The following KCNB2 variants were observed in gnomAD, a reference collection of about 807,000 sequenced individuals.
KCNB2 encodes the protein potassium voltage-gated channel subfamily B member 2.
Under a neutral mutation model 61.5 loss-of-function variants are expected in KCNB2, and 15 were observed. The ratio of observed to expected loss-of-function variants is 0.24; its 90% CI spans 0.16 to 0.38. The LOEUF is 0.38. Ranked by LOEUF, KCNB2 falls within the 10% of genes least tolerant of loss-of-function variation. The pLI, the probability that KCNB2 is intolerant of heterozygous loss-of-function variation, is 1.00. For synonymous variants in KCNB2, 457 were observed against 446.0 expected (o/e 1.02, Z -0.31); for missense variants, 828 against 1,125.2 (o/e 0.74, Z 3.78).
intron 2 of KCNB2, among the ~76,000 whole-genome samples, chr8:72,617,597 C>CAA (rs10706658): frequency 0.017 from 2,300 of 136,086 alleles, 34 homozygotes; most frequent in Middle Eastern, 0.037. Context: ...CACAGAAGTG[C>CAA]AAAAAAAAAA....
In KCNB2 at chr8:72,903,265, A is replaced by G. The variant is rs531261985; in HGVS notation, c.580-32670A>G. On this transcript the variant is annotated intron_variant, in intron 2 of 2. Transcript: ENST00000523207. ...GATTAGCGAAGGGAAAGAGCCTGATACTGGGTGTGTTGAGGACCAGGTCTT... is the reference window on the plus strand; with the variant it reads ...GATTAGCGAAGGGAAAGAGCCTGATGCTGGGTGTGTTGAGGACCAGGTCTT... Among the ~76,000 whole-genome samples the G allele has an allele frequency of 9.9e-4, 151 of 152,132 alleles. 1 individual carries two copies. Among genetic ancestry groups the G allele is most frequent in the African/African-American group, 3.4e-3 (143 of 41,500 alleles).
chr8:72,577,696 C>A (rs571074836), intron 2 of KCNB2, among the ~76,000 whole-genome samples: 71 of 152,226 alleles, frequency 4.7e-4, no homozygotes, highest in Admixed American at 1.2e-3. Flanking sequence ...TGTTGGATGC[C>A]ACTTTAAATA....
At chr8:72,735,626 T>G (rs1312073636) in intron 2 of KCNB2, among the ~76,000 whole-genome samples, 3 of 152,216 alleles carry the variant, frequency 2.0e-5, no homozygotes. Context: ...GTATGTTCTC[T>G]CCAGGTATTA....
intron 2 of KCNB2, chr8:72,619,488 A>G (rs575090591): frequency 4.5e-6 from 1 of 222,442 alleles, no homozygotes; most frequent in Admixed American, 5.6e-5. Flanking sequence ...TACTATGGGT[A>G]TGAGATTTTG....
intron 2 of KCNB2, among the ~76,000 whole-genome samples, chr8:72,665,865 AC>A (rs1046313328): frequency 1.3e-5 from 2 of 152,214 alleles, no homozygotes; most frequent in Non-Finnish European, 2.9e-5. Flanking sequence ...ATCACTAACC[AC>A]AGTCAAATTT....
At chr8:72,861,561 C>T (rs1231772401) in intron 2 of KCNB2, among the ~76,000 whole-genome samples, 1 of 152,082 alleles carries the variant, frequency 6.6e-6, no homozygotes, top group Non-Finnish European at 1.5e-5. Flanking sequence ...CCAAGGCTTC[C>T]TTTGTGCAGC....
chr8:72,765,698 C>T (rs1411846272), intron 2 of KCNB2, among the ~76,000 whole-genome samples: 1 of 152,164 alleles, frequency 6.6e-6, no homozygotes, highest in East Asian at 1.9e-4. Context: ...TTATTTAAAA[C>T]ACATAGGTAA....
chr8:72,882,260 C>T (rs1405742121), intron 2 of KCNB2, among the ~76,000 whole-genome samples: 1 of 152,160 alleles, frequency 6.6e-6, no homozygotes, highest in African/African-American at 2.4e-5. Context: ...CACTCTGGCC[C>T]TTGGTTTCCC....
chr8:72,558,626 G>T (rs17829035), intron 1 of KCNB2, among the ~76,000 whole-genome samples: 21 of 151,950 alleles, frequency 1.4e-4, no homozygotes, highest in African/African-American at 4.6e-4. Flanking sequence ...AATTAAACCC[G>T]ATTATTTACT....
At chr8:72,637,669 C>G (rs900518807) in intron 2 of KCNB2, among the ~76,000 whole-genome samples, 3 of 152,138 alleles carry the variant, frequency 2.0e-5, no homozygotes, top group African/African-American at 7.2e-5. Context: ...TTGGCAGAAC[C>G]CTGCGAGTCC....
intron 1 of KCNB2, among the ~76,000 whole-genome samples, chr8:72,544,536 T>A (rs1806232699): frequency 6.6e-6 from 1 of 152,170 alleles, no homozygotes; most frequent in Admixed American, 6.5e-5. Flanking sequence ...GTCTAAGACT[T>A]GCTTTAAACA....
intron 2 of KCNB2, among the ~76,000 whole-genome samples, chr8:72,786,062 A>G (rs1808841259): frequency 6.6e-6 from 1 of 152,058 alleles, no homozygotes; most frequent in Admixed American, 6.6e-5. Flanking sequence ...ACGAAAAAAA[A>G]AAAAAGCAAA....
chr8:72,890,353 T>G (rs557108757), intron 2 of KCNB2, among the ~76,000 whole-genome samples: 3 of 152,360 alleles, frequency 2.0e-5, no homozygotes, highest in African/African-American at 7.2e-5. Flanking sequence ...GATTGAACTC[T>G]GCTGCTTTGC....
At chr8:72,934,394 CA>C (rs11392513) in intron 2 of KCNB2, among the ~76,000 whole-genome samples, 2,392 of 83,722 alleles carry the variant, frequency 0.029, 16 homozygotes, top group African/African-American at 0.044. Context: ...TCACCCCCCG[CA>C]AAAAAAAAAA....
Position 72,936,846 on chromosome 8 carries a change from G to A in KCNB2, c.1491G>A (p.Lys497=), listed in dbSNP as rs1585988019. ...LSPSRWKWAR[K]ALSETSSNKS... ...CAAGCCGGTGGAAGTGGGCCAGGAA[G>A]GCTCTGTCGGAAACAAGCTCCAACA... Residue 497 remains lysine (K), a synonymous_variant, in exon 3 of 3, where the codon AAG becomes AAA. Transcript: ENST00000523207. The surrounding 1 kb of genome is among the most constrained non-coding windows in gnomAD (Gnocchi z 5.6). 3 of 1,614,094 alleles carry A rather than the reference G, an allele frequency of 1.9e-6. No homozygotes were observed. Among genetic ancestry groups the A allele is most frequent in the Non-Finnish European group, 2.5e-6 (3 of 1,180,012 alleles).
chr8:72,694,871 T>G lies in KCNB2; in HGVS notation c.579+126558T>G, dbSNP rs1242420053. On this transcript the variant is annotated intron_variant, in intron 2 of 2. Transcript: ENST00000523207. ...TAATAAAATAAAATAGTTAATAGAA[T>G]AAATAAATACCTTATTTGTTCAATT... is the stretch of plus-strand genomic sequence containing the variant. Among the ~76,000 whole-genome samples the G allele has an allele frequency of 2.6e-5, 4 of 151,890 alleles. No homozygotes were observed. In the East Asian group the frequency reaches 5.8e-4, roughly 22 times the overall value.
intron 2 of KCNB2, among the ~76,000 whole-genome samples, chr8:72,796,407 A>G (rs1805530272): frequency 6.6e-6 from 1 of 152,132 alleles, no homozygotes; most frequent in Admixed American, 6.5e-5. Flanking sequence ...ATTGAGGTAA[A>G]CAGCTGGCTA....
At position 72,938,019 on chromosome 8, in the gene KCNB2, C is replaced by T. The variant is rs370511237; in HGVS notation, c.2664C>T (p.His888=). 1.2e-4 allele frequency: 189 copies of T among 1,614,038 alleles called. No homozygotes were observed. Among genetic ancestry groups the T allele is most frequent in the Non-Finnish European group, 1.6e-4 (187 of 1,180,020 alleles). Residue 888 remains histidine (H), a synonymous_variant, in exon 3 of 3, where the codon CAC becomes CAT. Transcript: ENST00000523207. ...SSQEGCKMEN[H]LFAPEIHSNP... The stretch of plus-strand genomic sequence containing the variant: ...AAGAAGGGTGCAAGATGGAAAATCA[C>T]TTGTTTGCCCCAGAAATTCATTCCA...
At chr8:72,723,319 A>T (rs1315179783) in intron 2 of KCNB2, among the ~76,000 whole-genome samples, 2 of 152,206 alleles carry the variant, frequency 1.3e-5, no homozygotes, top group African/African-American at 4.8e-5. Context: ...GAACTAAAAC[A>T]TATTTAAAAT....
Sources: allele counts gnomAD v4.1 joint callset (sites outside exome capture counted in the v4.1 genomes callset), GRCh38; gene constraint gnomAD v4.1.1; non-coding constraint Gnocchi (gnomAD v3.1); transcripts MANE v1.5; gene names NCBI Gene and HGNC (gene_info 2026-07-23, HGNC 2026-07-21).